Variants in CLSTN2 observed in about 807,000 individuals in gnomAD.
The protein encoded by CLSTN2 is calsyntenin-2.
In CLSTN2, 48 loss-of-function variants were observed where a neutral mutation model predicts 101.2. The ratio of observed to expected loss-of-function variants is 0.47; its 90% CI spans 0.38 to 0.60. The LOEUF (loss-of-function observed/expected upper bound fraction) is 0.60, where lower values mean the gene tolerates loss of function less well. Ranked by LOEUF, CLSTN2 falls within the 20% of genes least tolerant of loss-of-function variation. CLSTN2 has a pLI of 0.00. For synonymous variants in CLSTN2, 481 were observed against 463.6 expected, an observed-to-expected ratio of 1.04 and a Z score of -0.48; for missense variants, 1,160 against 1,238.2, an observed-to-expected ratio of 0.94 and a Z score of 0.95.
intron 1 of CLSTN2, among the ~76,000 whole-genome samples, chr3:140,111,255 T>G (rs2009151502): frequency 6.6e-6 from 1 of 152,120 alleles, no homozygotes; most frequent in African/African-American, 2.4e-5. Context: ...GCCTCCATTC[T>G]TCTTTCCCTC....
chr3:140,183,761 A>G (rs1300873146), intron 2 of CLSTN2, among the ~76,000 whole-genome samples: 1 of 152,210 alleles, frequency 6.6e-6, no homozygotes, highest in African/African-American at 2.4e-5. Context: ...TAATGTTTAT[A>G]CATACCAGGC....
chr3:140,182,194 G>A (rs144406161), intron 2 of CLSTN2, among the ~76,000 whole-genome samples: 12 of 152,096 alleles, frequency 7.9e-5, no homozygotes, highest in East Asian at 1.9e-4. Context: ...AATAATATTC[G>A]GTTGTATTTT....
chr3:140,072,674 C>A (rs2008416416), intron 1 of CLSTN2, among the ~76,000 whole-genome samples: 1 of 152,138 alleles, frequency 6.6e-6, no homozygotes. Context: ...ATATTCAGAT[C>A]CATGATTAAT....
chr3:140,391,124 C>T (rs1223944876), intron 2 of CLSTN2, among the ~76,000 whole-genome samples: 1 of 152,156 alleles, frequency 6.6e-6, no homozygotes, highest in Non-Finnish European at 1.5e-5. Flanking sequence ...CCTCCCCTTC[C>T]CTGGCTATCT....
At chr3:140,301,920 AAG>A (rs1392894426) in intron 2 of CLSTN2, among the ~76,000 whole-genome samples, 1 of 152,010 alleles carries the variant, frequency 6.6e-6, no homozygotes, top group Non-Finnish European at 1.5e-5. Flanking sequence ...TTTTTTGGAA[AAG>A]AGTCTTTGCT....
At chr3:140,558,540 C>G (rs1935845174) in intron 11 of CLSTN2, 100 bp from the exon 12 acceptor site, 1 of 861,068 alleles carries the variant, frequency 1.2e-6, no homozygotes, top group Non-Finnish European at 1.9e-6. Flanking sequence ...AGTCACGATG[C>G]CTTGTTAAGA....
chr3:140,084,366 A>C (rs773092031), intron 1 of CLSTN2, among the ~76,000 whole-genome samples: 2 of 152,216 alleles, frequency 1.3e-5, no homozygotes, highest in Non-Finnish European at 2.9e-5. Context: ...GGGAATAGGA[A>C]CATGAGGTCC....
chr3:140,294,530 T>C (rs1044965424), intron 2 of CLSTN2, among the ~76,000 whole-genome samples: 2 of 151,942 alleles, frequency 1.3e-5, no homozygotes, highest in East Asian at 1.9e-4. Flanking sequence ...TTCCATTTCA[T>C]TGGACAAGGC....
At chr3:140,516,550 A>ATTTTT (rs111255841) in intron 8 of CLSTN2, among the ~76,000 whole-genome samples, 1 of 142,796 alleles carries the variant, frequency 7.0e-6, no homozygotes, top group Non-Finnish European at 1.6e-5. Context: ...TTCTTTTGGC[A>ATTTTT]TTTTTTTTTT....
chr3:140,562,865 A>G lies in CLSTN2; in HGVS notation c.2267A>G (p.Asn756Ser), dbSNP rs766788653. 249 of 1,614,046 alleles carry G rather than the reference A, an allele frequency of 1.5e-4. No homozygotes were observed. In the Admixed American group the frequency reaches 2.1e-3, roughly 14 times the overall value. The change falls in exon 14 of 17, where the codon AAC (asparagine) becomes AGC (serine). Residue 756 changes from asparagine to serine, a missense_variant. Physicochemically the swap from Asn to Ser is conservative, Grantham distance 46. Transcript: ENST00000458420. ...EQVLHHIRYRNWRPASLEARR... is the reference protein window; with the variant it reads ...EQVLHHIRYRSWRPASLEARR... ...GTGCTACATCACATCCGCTACCGCA[A>G]CTGGCGTCCGGCTTCCCTTGAGGCC... is the stretch of plus-strand genomic sequence containing the variant.
At chr3:140,173,613 G>A (rs940771568) in intron 1 of CLSTN2, among the ~76,000 whole-genome samples, 2 of 152,226 alleles carry the variant, frequency 1.3e-5, no homozygotes, top group Non-Finnish European at 2.9e-5. Context: ...CCACTCCCCT[G>A]CAGCAAACTT....
intron 1 of CLSTN2, among the ~76,000 whole-genome samples, chr3:140,012,789 C>T (rs548986397): frequency 5.9e-5 from 9 of 152,240 alleles, no homozygotes; most frequent in African/African-American, 2.2e-4. Context: ...GTGCCTGAGG[C>T]ATGGAAGGTT....
chr3:140,019,078 G>A (rs1163503689), intron 1 of CLSTN2, among the ~76,000 whole-genome samples: 1 of 152,108 alleles, frequency 6.6e-6, no homozygotes, highest in African/African-American at 2.4e-5. Context: ...ACCACTCAGA[G>A]GAGTCTGCAC....
intron 2 of CLSTN2, among the ~76,000 whole-genome samples, chr3:140,269,659 C>T (rs2086724197): frequency 6.6e-6 from 1 of 152,180 alleles, no homozygotes. Flanking sequence ...CATAGCCCCA[C>T]TTCTTGAACC....
At chr3:140,233,809 C>A (rs1021517605) in intron 2 of CLSTN2, among the ~76,000 whole-genome samples, 1 of 152,184 alleles carries the variant, frequency 6.6e-6, no homozygotes, top group Non-Finnish European at 1.5e-5. Flanking sequence ...CACAATCCCT[C>A]TTCCAGAGGG....
chr3:140,347,656 C>A (rs1564395), intron 2 of CLSTN2, among the ~76,000 whole-genome samples: 77,071 of 151,924 alleles, frequency 0.51, 20,220 homozygotes, highest in African/African-American at 0.58. Context: ...ACTTGCTTTC[C>A]CCTCACTCTC....
rs767759891 is a variant in CLSTN2 at position 140,531,817 on chromosome 3, C to A, written c.1345-507C>A. On this transcript the variant is annotated intron_variant, in intron 8 of 16. Coordinates refer to ENST00000458420, the MANE Select transcript of CLSTN2 (RefSeq NM_022131.3). ...TAATCCACTAAGCTGCCTTCTGTAG[C>A]CCTGGGCACTTGTGGTTTCCCAGAA... Among the ~76,000 whole-genome samples the A allele has an allele frequency of 4.6e-5, 7 of 152,296 alleles. No homozygotes were observed. In the East Asian group the frequency reaches 1.3e-3, roughly 29 times the overall value.
At chr3:140,431,924 T>C (rs773031408) in intron 5 of CLSTN2, among the ~76,000 whole-genome samples, 5 of 152,246 alleles carry the variant, frequency 3.3e-5, no homozygotes, top group Non-Finnish European at 7.3e-5. Flanking sequence ...GATTCCAGCA[T>C]AGAAGTACTT....
intron 1 of CLSTN2, among the ~76,000 whole-genome samples, chr3:139,982,517 G>A (rs1354439522): frequency 6.6e-6 from 1 of 152,094 alleles, no homozygotes; most frequent in African/African-American, 2.4e-5. Context: ...GCTCAGAGAG[G>A]CTTCTTTATT....
Sources: gnomAD v4.1 joint callset for allele counts (sites outside exome capture counted in the v4.1 genomes callset) on GRCh38, gnomAD v4.1.1 for gene constraint, MANE v1.5 for transcripts, NCBI Gene and HGNC (gene_info 2026-07-23, HGNC 2026-07-21) for gene names.